The following NT5DC1 variants were observed in gnomAD, a reference collection of about 807,000 sequenced individuals.
NT5DC1 encodes 5'-nucleotidase domain-containing protein 1.
In NT5DC1, 42 loss-of-function variants were observed where a neutral mutation model predicts 59.4. The observed-to-expected ratio is 0.71, with a 90% confidence interval of 0.55 to 0.92. The LOEUF (loss-of-function observed/expected upper bound fraction) is 0.92, where lower values mean the gene tolerates loss of function less well. NT5DC1 is among the 40% of genes least tolerant of loss of function. The pLI is 0.00. For missense variants in NT5DC1, 501 were observed against 537.1 expected (o/e 0.93, Z 0.66); for synonymous variants, 172 against 188.1 (o/e 0.91, Z 0.70).
chr6:116,129,750 G>T (rs1779417128), intron 6 of NT5DC1, among the ~76,000 whole-genome samples: 1 of 152,136 alleles, frequency 6.6e-6, no homozygotes, highest in East Asian at 1.9e-4. Flanking sequence ...GTTACTCTAG[G>T]TGTCTTGTGT....
At position 116,230,945 on chromosome 6, in the gene NT5DC1, A is replaced by G. The variant is rs775199795; in HGVS notation, c.803-6021A>G. Reference sequence around the variant, plus strand: ...GAACTAGTCAACCCCATCTCCACTAAAAGTACAAAAAATTAGCTGGGCGTG... The same window carrying G: ...GAACTAGTCAACCCCATCTCCACTAGAAGTACAAAAAATTAGCTGGGCGTG... On this transcript the variant is annotated intron_variant, in intron 8 of 11. Transcript: ENST00000319550. Among the ~76,000 whole-genome samples, 11 of 152,096 alleles carry G rather than the reference A, an allele frequency of 7.2e-5. No homozygotes were observed. In the East Asian group the frequency reaches 1.4e-3, roughly 19 times the overall value.
intron 6 of NT5DC1, chr6:116,121,726 T>C (rs778267886): frequency 6.2e-7 from 1 of 1,613,950 alleles, no homozygotes; most frequent in Admixed American, 1.7e-5. Context: ...GGCCAGCTGG[T>C]CCAACATCTC....
At chr6:116,118,827 C>A (rs967307530) in intron 6 of NT5DC1, 1 of 152,160 alleles carries the variant, frequency 6.6e-6, no homozygotes, top group Non-Finnish European at 1.5e-5. Flanking sequence ...TTTGTGGGTA[C>A]CTCTTCACAG....
intron 6 of NT5DC1, among the ~76,000 whole-genome samples, chr6:116,133,510 G>A (rs1403558626): frequency 6.6e-6 from 1 of 152,100 alleles, no homozygotes; most frequent in Non-Finnish European, 1.5e-5. Context: ...AGAATATTAA[G>A]TACCTATAGG....
chr6:116,229,875 G>T (rs1426598554), intron 8 of NT5DC1, among the ~76,000 whole-genome samples: 2 of 152,060 alleles, frequency 1.3e-5, no homozygotes, highest in African/African-American at 4.8e-5. Flanking sequence ...CCTGAGACCT[G>T]TTTTCCTGAG....
chr6:116,168,536 A>G (rs1280119296), intron 6 of NT5DC1, among the ~76,000 whole-genome samples: 2 of 152,236 alleles, frequency 1.3e-5, no homozygotes, highest in Admixed American at 6.5e-5. Context: ...TCTTTATACC[A>G]TAGGAGCTTC....
intron 6 of NT5DC1, among the ~76,000 whole-genome samples, chr6:116,139,151 T>C (rs1289675928): frequency 6.6e-6 from 1 of 152,144 alleles, no homozygotes; most frequent in Non-Finnish European, 1.5e-5. Context: ...GCAAAAATTC[T>C]AGTAGAAGAA....
intron 6 of NT5DC1, among the ~76,000 whole-genome samples, chr6:116,166,693 C>T (rs1780477885): frequency 6.6e-6 from 1 of 152,078 alleles, no homozygotes. Context: ...AAAGTTAATT[C>T]AGTTATTTAT....
At chr6:116,153,340 GTT>G (rs10526829) in intron 6 of NT5DC1, among the ~76,000 whole-genome samples, 76,558 of 151,182 alleles carry the variant, frequency 0.51, 20,481 homozygotes, top group African/African-American at 0.69. Flanking sequence ...AGCTCTAAAA[GTT>G]TTTCACAAAC....
intron 6 of NT5DC1, among the ~76,000 whole-genome samples, chr6:116,143,394 A>G (rs1291030699): frequency 6.6e-6 from 1 of 152,080 alleles, no homozygotes; most frequent in East Asian, 1.9e-4. Context: ...TTGTATCTTT[A>G]GTAGAGACGG....
chr6:116,231,241 A>ACTAGACAT (rs1782015154), intron 8 of NT5DC1, among the ~76,000 whole-genome samples: 1 of 147,578 alleles, frequency 6.8e-6, no homozygotes, highest in South Asian at 2.3e-4. Context: ...CAAGCATTTT[A>ACTAGACAT]CTAGACATTT....
chr6:116,139,738 G>A (rs189048616), intron 6 of NT5DC1, among the ~76,000 whole-genome samples: 122 of 152,220 alleles, frequency 8.0e-4, no homozygotes, highest in Non-Finnish European at 1.3e-3. Context: ...AGTAAGGAGA[G>A]AAATAGGAAT....
At chr6:116,109,425 C>T (rs907951568) in intron 3 of NT5DC1, among the ~76,000 whole-genome samples, 10 of 152,230 alleles carry the variant, frequency 6.6e-5, no homozygotes, top group Non-Finnish European at 1.3e-4. Flanking sequence ...TTTAACTCTT[C>T]TGTCAGATTC....
chr6:116,115,173 G>A (rs1044058647), intron 4 of NT5DC1, among the ~76,000 whole-genome samples: 1 of 152,102 alleles, frequency 6.6e-6, no homozygotes, highest in Non-Finnish European at 1.5e-5. Flanking sequence ...AGCACACTGT[G>A]TCTTCACATG....
intron 6 of NT5DC1, among the ~76,000 whole-genome samples, chr6:116,178,600 T>G (rs988865844): frequency 1.3e-5 from 2 of 152,238 alleles, no homozygotes; most frequent in Non-Finnish European, 2.9e-5. Context: ...GTTCCCACCT[T>G]TTACTCTGAA....
intron 9 of NT5DC1, chr6:116,237,309 ACAAT>A: frequency 1.6e-6 from 1 of 622,182 alleles, no homozygotes; most frequent in Non-Finnish European, 3.0e-6. Flanking sequence ...TATCCTGATA[ACAAT>A]CTATCCAAAA....
chr6:116,243,765 C>T (rs1425274404), intron 11 of NT5DC1, 144 bp from the exon 12 acceptor site: 2 of 501,356 alleles, frequency 4.0e-6, no homozygotes, highest in South Asian at 3.2e-5. Flanking sequence ...ATAATAGCTA[C>T]ACACAGACCT....
intron 6 of NT5DC1, among the ~76,000 whole-genome samples, chr6:116,162,166 G>T (rs1351896429): frequency 1.3e-5 from 2 of 152,148 alleles, no homozygotes; most frequent in Non-Finnish European, 2.9e-5. Context: ...TTAGGTCCAG[G>T]AGTCTTTTGG....
intron 6 of NT5DC1, chr6:116,118,153 T>C: frequency 1.7e-6 from 1 of 579,552 alleles, no homozygotes; most frequent in South Asian, 1.8e-5. Flanking sequence ...TATTCCAAGC[T>C]GTGCTGTTAC....
Sources: gnomAD v4.1 joint callset for allele counts (sites outside exome capture counted in the v4.1 genomes callset) on GRCh38, gnomAD v4.1.1 for gene constraint, MANE v1.5 for transcripts, NCBI Gene and HGNC (gene_info 2026-07-23, HGNC 2026-07-21) for gene names.